The following PTK2 variants were observed in gnomAD, a reference collection of about 807,000 sequenced individuals.
The protein encoded by PTK2 is focal adhesion kinase 1.
A neutral mutation model predicts 150.1 loss-of-function variants in PTK2; 45 were observed. The observed-to-expected ratio is 0.30, with a 90% CI of 0.24 to 0.38. PTK2 has a LOEUF of 0.38. PTK2 is among the 10% of genes least tolerant of loss of function. PTK2 has a pLI of 1.00. For missense variants in PTK2, 919 were observed against 1,307.3 expected (o/e 0.70, Z 4.58); for synonymous variants, 432 against 449.2 (o/e 0.96, Z 0.48).
chr8:140,781,736 TGAA>T (rs1202380706), intron 14 of PTK2, among the ~76,000 whole-genome samples: 1 of 152,170 alleles, frequency 6.6e-6, no homozygotes, highest in Admixed American at 6.5e-5. Flanking sequence ...AGCTCAAGGG[TGAA>T]GGAGTGGTTC....
chr8:140,875,475 G>A (rs926377051), intron 4 of PTK2, among the ~76,000 whole-genome samples: 3 of 152,178 alleles, frequency 2.0e-5, no homozygotes, highest in Non-Finnish European at 2.9e-5. Flanking sequence ...CCAGAGTGGA[G>A]GAGGAAGAGG....
intron 7 of PTK2, among the ~76,000 whole-genome samples, chr8:140,831,134 T>C (rs757312443): frequency 2.0e-4 from 31 of 152,220 alleles, no homozygotes; most frequent in Non-Finnish European, 4.4e-4. Flanking sequence ...ATCGCAGCAA[T>C]GTTCTTTAAG....
chr8:140,741,440 G>T (rs367699734), intron 20 of PTK2, among the ~76,000 whole-genome samples: 4 of 151,266 alleles, frequency 2.6e-5, no homozygotes, highest in East Asian at 1.9e-4. Flanking sequence ...GGGCGACAGA[G>T]TGAGACTCTG....
intron 10 of PTK2, among the ~76,000 whole-genome samples, chr8:140,806,308 C>A (rs1252693659): frequency 1.3e-5 from 2 of 152,150 alleles, no homozygotes; most frequent in African/African-American, 4.8e-5. Flanking sequence ...GAGAATGACA[C>A]CACCAAGGGC....
intron 3 of PTK2, among the ~76,000 whole-genome samples, chr8:140,887,786 T>A (rs1202569282): frequency 6.6e-6 from 1 of 152,226 alleles, no homozygotes; most frequent in Non-Finnish European, 1.5e-5. Flanking sequence ...TCATTTAACA[T>A]GTAATCATAA....
intron 18 of PTK2, among the ~76,000 whole-genome samples, chr8:140,745,103 A>G (rs941604880): frequency 2.0e-5 from 3 of 152,200 alleles, no homozygotes; most frequent in African/African-American, 7.2e-5. Flanking sequence ...GGAAGAAAAA[A>G]GATCTAGTTA....
intron 1 of PTK2, among the ~76,000 whole-genome samples, chr8:140,991,610 T>C (rs2100195720): frequency 6.6e-6 from 1 of 152,138 alleles, no homozygotes. Flanking sequence ...ATACCTCAAA[T>C]TAAGACTAAT....
At chr8:140,664,035 G>A (rs139024523) in intron 31 of PTK2, among the ~76,000 whole-genome samples, 2 of 152,042 alleles carry the variant, frequency 1.3e-5, no homozygotes, top group African/African-American at 4.8e-5. Context: ...GCAGGCTGGA[G>A]TGCAATGGCA....
chr8:140,731,250 G>A (rs539311185), intron 22 of PTK2, among the ~76,000 whole-genome samples: 1 of 152,190 alleles, frequency 6.6e-6, no homozygotes, highest in South Asian at 2.1e-4. Context: ...TTGAGCCACT[G>A]CGCCCGGCTA....
intron 10 of PTK2, among the ~76,000 whole-genome samples, chr8:140,815,918 CA>C (rs1481185250): frequency 6.6e-6 from 1 of 151,948 alleles, no homozygotes; most frequent in Non-Finnish European, 1.5e-5. Flanking sequence ...AAAACAATCC[CA>C]AATAATGACA....
chr8:140,870,395 T>A (rs2100141812), intron 4 of PTK2, among the ~76,000 whole-genome samples: 1 of 152,160 alleles, frequency 6.6e-6, no homozygotes, highest in African/African-American at 2.4e-5. Flanking sequence ...GTAAAATACA[T>A]TTATCAGTAA....
intron 10 of PTK2, among the ~76,000 whole-genome samples, chr8:140,813,274 G>A (rs747667578): frequency 1.4e-4 from 21 of 145,842 alleles, no homozygotes; most frequent in South Asian, 4.6e-4. Context: ...AACTGCTCCC[G>A]AATGACTTTT....
At chr8:140,883,364 G>A (rs1247851766) in intron 3 of PTK2, among the ~76,000 whole-genome samples, 1 of 151,812 alleles carries the variant, frequency 6.6e-6, no homozygotes, top group Admixed American at 6.6e-5. Flanking sequence ...TGGGGAGGAG[G>A]GGACAAAAAG....
chr8:140,983,403 T>C (rs943369475), intron 1 of PTK2, among the ~76,000 whole-genome samples: 7 of 114,166 alleles, frequency 6.1e-5, no homozygotes, highest in Non-Finnish European at 1.4e-4. Context: ...AAAAAAAAAA[T>C]CTTTGTTAAG....
intron 4 of PTK2, among the ~76,000 whole-genome samples, chr8:140,870,496 T>C (rs974504524): frequency 6.6e-6 from 1 of 152,042 alleles, no homozygotes; most frequent in African/African-American, 2.4e-5. Context: ...ATAATAGCAA[T>C]ATATTATAGA....
intron 10 of PTK2, among the ~76,000 whole-genome samples, chr8:140,805,805 T>C (rs1281989281): frequency 6.6e-6 from 1 of 152,180 alleles, no homozygotes; most frequent in Non-Finnish European, 1.5e-5. Context: ...TCATCCATGC[T>C]ACTATATAAT....
chr8:140,841,779 CAA>C (rs949149652), intron 7 of PTK2, among the ~76,000 whole-genome samples: 1 of 151,192 alleles, frequency 6.6e-6, no homozygotes, highest in African/African-American at 2.4e-5. Flanking sequence ...AGTTAATTTA[CAA>C]AAAAAACTTA....
intron 8 of PTK2, among the ~76,000 whole-genome samples, chr8:140,828,444 A>C (rs558620840): frequency 6.6e-6 from 1 of 152,096 alleles, no homozygotes; most frequent in Non-Finnish European, 1.5e-5. Context: ...ATCCTTTAAA[A>C]ATCTAGAATG....
chr8:140,879,962 A>AC (rs2100148258), intron 3 of PTK2, among the ~76,000 whole-genome samples: 1 of 151,842 alleles, frequency 6.6e-6, no homozygotes, highest in African/African-American at 2.4e-5. Flanking sequence ...CACTGTCATC[A>AC]CCCCCCAACC....
Sources: allele counts gnomAD v4.1 joint callset (sites outside exome capture counted in the v4.1 genomes callset), GRCh38; gene constraint gnomAD v4.1.1; transcripts MANE v1.5; gene names NCBI Gene and HGNC (gene_info 2026-07-23, HGNC 2026-07-21).